Variants in HAVCR1 observed in about 807,000 individuals in gnomAD.
HAVCR1 encodes the protein T cell immunoglobin domain and mucin domain protein 1.
HAVCR1 carries 34 observed loss-of-function variants against 32.0 expected under a neutral mutation model. That is an observed-to-expected ratio of 1.06 (90% CI 0.81 to 1.42). The LOEUF is 1.42. Among genes scored for constraint, HAVCR1 ranks in the 40% most tolerant of loss-of-function variants. The pLI, the probability that HAVCR1 is intolerant of heterozygous loss-of-function variation, is 0.00. For missense variants in HAVCR1, 420 were observed against 442.3 expected (o/e 0.95, Z 0.45); for synonymous variants, 178 against 170.3 (o/e 1.05, Z -0.35).
chr5:157,066,451 G>C, the HAVCR1 span, among the ~76,000 whole-genome samples: 2 of 147,116 alleles, frequency 1.4e-5, no homozygotes, highest in Non-Finnish European at 3.0e-5. Flanking sequence ...GCTGCAGTGA[G>C]ATATGGTAGT....
chr5:157,034,821 C>A (rs151220417), intron 7 of HAVCR1, among the ~76,000 whole-genome samples: 4,137 of 152,202 alleles, frequency 0.027, 185 homozygotes, highest in African/African-American at 0.087. Flanking sequence ...AACCTTGAGT[C>A]AACACAGCAC....
chr5:157,067,889 G>A, the HAVCR1 span, among the ~76,000 whole-genome samples: 3 of 152,024 alleles, frequency 2.0e-5, no homozygotes, highest in Non-Finnish European at 4.4e-5. Flanking sequence ...TGTTAGCAAG[G>A]ATGGTCTCCA....
chr5:157,046,752 C>T (rs116311546), intron 5 of HAVCR1, among the ~76,000 whole-genome samples: 3,451 of 152,180 alleles, frequency 0.023, 141 homozygotes, highest in African/African-American at 0.079. Flanking sequence ...GGGGAAGGGT[C>T]AAACAAGTTC....
chr5:157,044,414 AAGGAAGGAG>A (rs1755117315), intron 5 of HAVCR1, among the ~76,000 whole-genome samples: 1 of 45,722 alleles, frequency 2.2e-5, no homozygotes, highest in African/African-American at 1.1e-4. Flanking sequence ...GGAAGGAAGG[AAGGAAGGAG>A]AAAGAAAGAA....
At chr5:157,051,608 G>A (rs865932897) in intron 4 of HAVCR1, among the ~76,000 whole-genome samples, 2 of 152,034 alleles carry the variant, frequency 1.3e-5, no homozygotes, top group Middle Eastern at 3.2e-3. Flanking sequence ...ATGGCTCACT[G>A]TAGACTTGAC....
chr5:157,065,885 T>A, the HAVCR1 span, among the ~76,000 whole-genome samples: 1 of 142,246 alleles, frequency 7.0e-6, no homozygotes, highest in African/African-American at 2.7e-5. Flanking sequence ...TTTAAAAAAA[T>A]TTGTTAAAGC....
chr5:157,033,288 T>C (rs923291575), intron 7 of HAVCR1, among the ~76,000 whole-genome samples: 2 of 152,094 alleles, frequency 1.3e-5, no homozygotes, highest in African/African-American at 4.8e-5. Context: ...AAGGATACTT[T>C]TGCAAGAGTT....
chr5:157,062,755 T>C (rs534942476), upstream of HAVCR1, among the ~76,000 whole-genome samples: 7 of 152,344 alleles, frequency 4.6e-5, no homozygotes, highest in African/African-American at 1.7e-4. Context: ...ACAAGTAATA[T>C]AATGCTTCTT....
At position 157,055,427 on chromosome 5, in the gene HAVCR1, T is replaced by C; in HGVS notation, c.153A>G (p.Ser51=). The change falls in exon 3 of 9, where the codon TCA becomes TCG. Residue 51 remains serine (S), a synonymous_variant. Coordinates refer to ENST00000523175, the MANE Select transcript of HAVCR1 (RefSeq NM_001173393.3). ...CATTTTGGCATGTGAATAGAGAACA[T>C]GAGCCTCTATTCCAGCACATGGATG... is the stretch of plus-strand genomic sequence containing the variant. ...AVTSMCWNRG[S]CSLFTCQNGI... 6.2e-7 allele frequency: 1 copy of C among 1,607,638 alleles called. No individual in the cohort carries two copies. The highest frequency in any genetic ancestry group is 8.5e-7 in the Non-Finnish European group (1 of 1,173,984).
At chr5:157,037,507 G>T in intron 6 of HAVCR1, 146 bp from the exon 7 acceptor site, 1 of 571,262 alleles carries the variant, frequency 1.8e-6, no homozygotes, top group East Asian at 2.9e-5. Context: ...AATGATCTCA[G>T]TTTATAACCA....
chr5:157,049,681 C>T (rs1755628034), intron 4 of HAVCR1, among the ~76,000 whole-genome samples: 1 of 152,166 alleles, frequency 6.6e-6, no homozygotes, highest in Non-Finnish European at 1.5e-5. Flanking sequence ...AGAATAGATA[C>T]AATATTAATT....
intron 6 of HAVCR1, among the ~76,000 whole-genome samples, chr5:157,041,221 G>A (rs1371649426): frequency 4.6e-5 from 7 of 152,116 alleles, no homozygotes; most frequent in Non-Finnish European, 7.3e-5. Context: ...TCCTGGGCCG[G>A]GTACGGTGGC....
chr5:157,053,591 C>T (rs1447390372), intron 3 of HAVCR1, among the ~76,000 whole-genome samples: 4 of 151,026 alleles, frequency 2.6e-5, no homozygotes, highest in Non-Finnish European at 5.9e-5. Context: ...CAGCAACGGC[C>T]GGGCGCGGCA....
chr5:157,051,671 G>T (rs1755747373), intron 4 of HAVCR1, among the ~76,000 whole-genome samples: 1 of 152,122 alleles, frequency 6.6e-6, no homozygotes. Context: ...GCTGGGACTA[G>T]AGGCATGCAC....
At chr5:157,040,853 T>C (rs1754848375) in intron 6 of HAVCR1, among the ~76,000 whole-genome samples, 1 of 152,150 alleles carries the variant, frequency 6.6e-6, no homozygotes, top group Non-Finnish European at 1.5e-5. Context: ...TGAGCTGAGA[T>C]TGTGAAACTG....
Position 157,052,377 on chromosome 5 carries a change from C to A in HAVCR1, c.657G>T (p.Arg219Ser). 1.9e-6 allele frequency: 3 copies of A among 1,614,136 alleles called. No homozygotes were observed. Among genetic ancestry groups the A allele is most frequent in the Non-Finnish European group, 2.5e-6 (3 of 1,179,970 alleles). Residue 219 changes from arginine (R) to serine (S), a missense_variant, in exon 4 of 9, where the codon AGG (arginine) becomes AGT (serine). Arg to Ser is a moderately radical substitution (Grantham distance 110). Coordinates refer to ENST00000523175, the MANE Select transcript of HAVCR1 (RefSeq NM_001173393.3). Reference sequence around the variant, plus strand: ...CTGTTTTACCTGGTTCATGGTTCTGCCTGGGCAAAGGCATTGGAGGAACAA... The same window carrying A: ...CTGTTTTACCTGGTTCATGGTTCTGACTGGGCAAAGGCATTGGAGGAACAA... Reference protein sequence around the residue: ...STFVPPMPLPRQNHEPVATSP... With the variant: ...STFVPPMPLPSQNHEPVATSP...
chr5:157,052,584 A>G lies in HAVCR1; in HGVS notation c.450T>C (p.Val150=). 1 of 1,611,638 alleles carries G rather than the reference A, an allele frequency of 6.2e-7. No individual in the cohort carries two copies. The highest frequency in any genetic ancestry group is 1.7e-4 in the Middle Eastern group (1 of 6,060). ...TCATTGGAACAGTCGTTGTCGTTGG[A>G]ACAGTGGTGCTCGTTCGAACAGTCG... The part of the protein sequence containing the change: ...TVTTVRTSTT[V]PTTTTVPMTT... The change falls in exon 4 of 9, where the codon GTT becomes GTC. Residue 150 remains valine, a synonymous_variant. Transcript: ENST00000523175.
chr5:157,065,103 G>A, the HAVCR1 span, among the ~76,000 whole-genome samples: 1 of 151,980 alleles, frequency 6.6e-6, no homozygotes, highest in Non-Finnish European at 1.5e-5. Flanking sequence ...CGAGGTGGGC[G>A]GATCACGAGA....
intron 4 of HAVCR1, among the ~76,000 whole-genome samples, chr5:157,049,765 G>A (rs994288707): frequency 3.9e-5 from 6 of 152,140 alleles, no homozygotes; most frequent in Admixed American, 2.0e-4. Flanking sequence ...TAAAGGTAAG[G>A]TTCCTGGCAG....
Sources: gnomAD v4.1 joint callset for allele counts (sites outside exome capture counted in the v4.1 genomes callset) on GRCh38, gnomAD v4.1.1 for gene constraint, MANE v1.5 for transcripts, NCBI Gene and HGNC (gene_info 2026-07-23, HGNC 2026-07-21) for gene names.